The following FAM193A variants were observed in gnomAD, a reference collection of about 807,000 sequenced individuals.
FAM193A encodes the protein family with sequence similarity 193 member A, also known as protein FAM193A.
Under a neutral mutation model 126.5 loss-of-function variants are expected in FAM193A, and 22 were observed. The ratio of observed to expected loss-of-function variants is 0.17; its 90% CI spans 0.12 to 0.25. The LOEUF is 0.25. Ranked by LOEUF, FAM193A falls within the 10% of genes least tolerant of loss-of-function variation. The pLI is 1.00. For synonymous variants in FAM193A, 761 were observed against 646.8 expected, an observed-to-expected ratio of 1.18 and a Z score of -2.68; for missense variants, 1,675 against 1,672.8, an observed-to-expected ratio of 1.00 and a Z score of -0.02.
chr4:2,626,597 G>C lies in FAM193A; in HGVS notation c.803+20G>C, dbSNP rs543262951. ...GGATAGGTACATACTGCCCTTTCCTGTTGTGGCCCCATGCAAACCCCTGCC... is the reference window on the plus strand; with the variant it reads ...GGATAGGTACATACTGCCCTTTCCTCTTGTGGCCCCATGCAAACCCCTGCC... On this transcript the variant is annotated intron_variant, in intron 4 of 20. Coordinates refer to ENST00000637812, the MANE Select transcript of FAM193A (RefSeq NM_001366318.2). 129 of 679,894 alleles carry C rather than the reference G, an allele frequency of 1.9e-4. 3 individuals are homozygous for C. Among genetic ancestry groups the C allele is most frequent in the South Asian group, 1.9e-3 (127 of 67,014 alleles). 42.1% of individuals were successfully genotyped at this position (679,894 alleles called of 1,614,324 possible).
intron 1 of FAM193A, among the ~76,000 whole-genome samples, chr4:2,564,716 T>A (rs1373803758): frequency 6.6e-6 from 1 of 152,142 alleles, no homozygotes; most frequent in Non-Finnish European, 1.5e-5. Flanking sequence ...TAGAATCAAT[T>A]CCAGGAGATT....
rs1279867716 is a variant in FAM193A at position 2,537,076 on chromosome 4, G to A, written c.161G>A (p.Ser54Asn). Residue 54 changes from serine (S) to asparagine (N), a missense_variant, in exon 1 of 21, where the codon AGC becomes AAC. By Grantham distance (46) the Ser-to-Asn change is conservative. This residue lies in a region of FAM193A where 1,186 missense variants were observed against 1,109.2 expected (regional missense o/e 1.07). Coordinates refer to ENST00000637812, the MANE Select transcript of FAM193A (RefSeq NM_001366318.2). Reference protein sequence around the residue: ...SQAAGLAAPGSAAGLVGGAAA... With the variant: ...SQAAGLAAPGNAAGLVGGAAA... Reference sequence around the variant, plus strand: ...GCCGCGGGCCTGGCGGCCCCGGGCAGCGCGGCAGGCCTGGTGGGCGGCGCG... The same window carrying A: ...GCCGCGGGCCTGGCGGCCCCGGGCAACGCGGCAGGCCTGGTGGGCGGCGCG... 6.8e-6 allele frequency: 1 copy of A among 146,368 alleles called. No homozygotes were observed. Among genetic ancestry groups the A allele is most frequent in the Non-Finnish European group, 1.5e-5 (1 of 65,792 alleles). 9.1% of individuals were successfully genotyped at this position (146,368 alleles called of 1,614,324 possible). A position where few individuals can be genotyped will look rare whatever the true frequency, so the allele number is the denominator to read the frequency against.
intron 1 of FAM193A, among the ~76,000 whole-genome samples, chr4:2,559,706 T>C (rs968830728): frequency 6.6e-6 from 1 of 152,096 alleles, no homozygotes; most frequent in African/African-American, 2.4e-5. Context: ...TCCACCTGCC[T>C]TTGTACGTGA....
At chr4:2,560,895 C>A (rs1267546000) in intron 1 of FAM193A, among the ~76,000 whole-genome samples, 1 of 152,126 alleles carries the variant, frequency 6.6e-6, no homozygotes, top group African/African-American at 2.4e-5. Context: ...TGATTCACCT[C>A]ACCTGCCTCA....
In FAM193A at chr4:2,657,825, G is replaced by T; in HGVS notation, c.1334G>T (p.Arg445Leu). The change falls in exon 8 of 21, where the codon CGC becomes CTC. Residue 445 changes from arginine (R) to leucine (L), a missense_variant. Transcript: ENST00000637812. ...TAGATGACAATGAAAACCAAGCAGCGCATGTTAACAGAAGACTGGGAGCTT... is the reference window on the plus strand; with the variant it reads ...TAGATGACAATGAAAACCAAGCAGCTCATGTTAACAGAAGACTGGGAGCTT... ...DEQMTMKTKQ[R>L]MLTEDWELFK... 6.2e-7 allele frequency: 1 copy of T among 1,611,432 alleles called. No individual in the cohort carries two copies. Among genetic ancestry groups the T allele is most frequent in the Non-Finnish European group, 8.5e-7 (1 of 1,178,984 alleles).
intron 2 of FAM193A, among the ~76,000 whole-genome samples, chr4:2,597,762 T>TC (rs919680049): frequency 1.4e-4 from 22 of 152,266 alleles, no homozygotes; most frequent in African/African-American, 5.3e-4. Flanking sequence ...TGATTTACCT[T>TC]CCATTAAGAT....
At chr4:2,651,191 G>A (rs1268081097) in intron 7 of FAM193A, among the ~76,000 whole-genome samples, 4 of 152,136 alleles carry the variant, frequency 2.6e-5, no homozygotes, top group Admixed American at 1.3e-4. Flanking sequence ...TTAGCCGAGC[G>A]TGGTGGCACA....
intron 7 of FAM193A, chr4:2,654,486 T>C (rs1745980387): frequency 6.6e-6 from 1 of 150,574 alleles, no homozygotes; most frequent in Admixed American, 6.6e-5. Context: ...TGTCTGAAAT[T>C]CATTCTTTCT....
chr4:2,602,756 G>A (rs1577062356), intron 2 of FAM193A, among the ~76,000 whole-genome samples: 1 of 151,760 alleles, frequency 6.6e-6, no homozygotes, highest in East Asian at 1.9e-4. Context: ...AGCCTCCCGG[G>A]TTCACACCAT....
At position 2,700,173 on chromosome 4, in the gene FAM193A, G is replaced by C; in HGVS notation, c.4001G>C (p.Gly1334Ala). 6.2e-7 allele frequency: 1 copy of C among 1,613,650 alleles called. No homozygotes were observed. The highest frequency in any genetic ancestry group is 8.5e-7 in the Non-Finnish European group (1 of 1,179,984). The change falls in exon 19 of 21, where the codon GGA becomes GCA. Residue 1334 changes from glycine to alanine, a missense_variant. This residue lies in a region of FAM193A where 415 missense variants were observed against 396.7 expected (regional missense o/e 1.05). Coordinates refer to ENST00000637812, the MANE Select transcript of FAM193A (RefSeq NM_001366318.2). ...GACATCATGCAGCACCATAAAGAAG[G>C]AAATGGCAAGCAGAAGCTGAGGCAG... Reference protein sequence around the residue: ...FFDIMQHHKEGNGKQKLRQTS... With the variant: ...FFDIMQHHKEANGKQKLRQTS...
At chr4:2,681,816 T>C (rs1202455046) in intron 13 of FAM193A, among the ~76,000 whole-genome samples, 2 of 152,166 alleles carry the variant, frequency 1.3e-5, no homozygotes, top group African/African-American at 4.8e-5. Flanking sequence ...TTTGTAGCTA[T>C]ACATTTTGCT....
At chr4:2,553,137 T>C (rs1738045231) in intron 1 of FAM193A, among the ~76,000 whole-genome samples, 1 of 151,968 alleles carries the variant, frequency 6.6e-6, no homozygotes, top group Non-Finnish European at 1.5e-5. Flanking sequence ...CTTGAGCCAC[T>C]GTGCCTGGCC....
Position 2,631,148 on chromosome 4 carries a change from C to T in FAM193A, c.1017C>T (p.Ile339=). 1 of 1,611,162 alleles carries T rather than the reference C, an allele frequency of 6.2e-7. No individual in the cohort carries two copies. Among genetic ancestry groups the T allele is most frequent in the South Asian group, 1.1e-5 (1 of 90,702 alleles). Residue 339 remains isoleucine (I), a synonymous_variant, in exon 5 of 21, where the codon ATC becomes ATT. Coordinates refer to ENST00000637812, the MANE Select transcript of FAM193A (RefSeq NM_001366318.2). The stretch of plus-strand genomic sequence containing the variant: ...CCCTCTGCCAGGCCGCACGCTCCAT[C>T]AGCACCTTCCTTGGCACTCTGGTAA... The part of the protein sequence containing the change: ...YGALCQAARS[I]STFLGTLENE...
chr4:2,539,944 C>G (rs943723992), intron 1 of FAM193A, among the ~76,000 whole-genome samples: 6 of 151,054 alleles, frequency 4.0e-5, no homozygotes, highest in Admixed American at 3.3e-4. Context: ...ATGGTGAAAC[C>G]CCGTCTCTAC....
chr4:2,649,405 G>T (rs537474232), intron 7 of FAM193A, among the ~76,000 whole-genome samples: 38 of 151,472 alleles, frequency 2.5e-4, no homozygotes, highest in African/African-American at 9.2e-4. Flanking sequence ...AGGCTTAGTG[G>T]CTCACACCTG....
At chr4:2,684,254 G>C (rs1341184224) in intron 13 of FAM193A, among the ~76,000 whole-genome samples, 4 of 152,082 alleles carry the variant, frequency 2.6e-5, no homozygotes, top group African/African-American at 7.2e-5. Context: ...TTTTCTCCCA[G>C]TTCCATGTTC....
At chr4:2,613,466 T>A (rs1742002170) in intron 2 of FAM193A, among the ~76,000 whole-genome samples, 1 of 151,676 alleles carries the variant, frequency 6.6e-6, no homozygotes, top group Non-Finnish European at 1.5e-5. Flanking sequence ...TTTCTTTTTT[T>A]TTTTTTGAGA....
At chr4:2,656,158 A>G (rs2109089919) in intron 7 of FAM193A, among the ~76,000 whole-genome samples, 1 of 152,278 alleles carries the variant, frequency 6.6e-6, no homozygotes, top group Admixed American at 6.5e-5. Flanking sequence ...TGTTTTGTAT[A>G]AAGGTTGTGC....
intron 18 of FAM193A, among the ~76,000 whole-genome samples, chr4:2,698,164 C>T (rs565760101): frequency 2.6e-5 from 4 of 152,268 alleles, no homozygotes; most frequent in African/African-American, 9.6e-5. Flanking sequence ...AATAGTTGAC[C>T]TATGGACTCT....
Sources: gnomAD v4.1 joint callset for allele counts (sites outside exome capture counted in the v4.1 genomes callset) on GRCh38, gnomAD v4.1.1 for gene constraint, gnomAD v4.1.1 regional missense constraint, MANE v1.5 for transcripts, NCBI Gene and HGNC (gene_info 2026-07-23, HGNC 2026-07-21) for gene names.